The following METTL26 variants were observed in gnomAD, a reference collection of about 807,000 sequenced individuals.
METTL26 encodes methyltransferase-like 26.
METTL26 carries 28 observed loss-of-function variants against 24.7 expected under a neutral mutation model. The observed-to-expected ratio is 1.13, with a 90% CI of 0.84 to 1.55. The LOEUF is 1.55. METTL26 is among the 40% of genes most tolerant of loss of function. The pLI is 0.00. For missense variants in METTL26, 344 were observed against 281.2 expected (o/e 1.22, Z -1.60); for synonymous variants, 165 against 125.2 (o/e 1.32, Z -2.12).
rs1420773875 is a variant in METTL26 at position 635,206 on chromosome 16, G to A, written c.420+75C>T. The stretch of plus-strand genomic sequence containing the variant: ...GGGCGGGGGGCAGGGAGCCCAGGAG[G>A]GAGGACTCTCAGCAGGGCAGGAGAC... On this transcript the variant is annotated intron_variant, in intron 3 of 5. Coordinates refer to ENST00000301686, the MANE Select transcript of METTL26 (RefSeq NM_032366.5). 4.0e-6 allele frequency: 6 copies of A among 1,501,140 alleles called. No homozygotes were observed. In the African/African-American group the frequency reaches 5.5e-5, roughly 14 times the overall value. 93.0% of individuals were successfully genotyped at this position (1,501,140 alleles called of 1,614,324 possible).
rs1260471249 is a variant in METTL26, at chr16:634,549, C to T, written c.*48G>A. The T allele has an allele frequency of 6.2e-7, 1 of 1,613,024 alleles. No homozygotes were observed. The highest frequency in any genetic ancestry group is 2.2e-5 in the East Asian group (1 of 44,884). ...GCCTAGGGAGGCAGGGTTCGTGCCT[C>T]ACAGAGCCTCCGGCAGGGATGCAGG... On this transcript the variant is annotated 3_prime_UTR_variant, in exon 6 of 6. Coordinates refer to ENST00000301686, the MANE Select transcript of METTL26 (RefSeq NM_032366.5).
In METTL26 at chr16:634,576, G is replaced by T. The variant is rs1156896482; in HGVS notation, c.*21C>A. The T allele has an allele frequency of 3.7e-6, 6 of 1,613,116 alleles. No individual in the cohort carries two copies. The African/African-American group carries it at 8.0e-5, about 22-fold the overall frequency. ...CAGAGCCTCCGGCAGGGATGCAGGT[G>T]TGCGGGGGTGAAGGAGGGGCTTAGT... is the stretch of plus-strand genomic sequence containing the variant. On this transcript the variant is annotated 3_prime_UTR_variant, in exon 6 of 6. Transcript: ENST00000301686.
In METTL26 at chr16:635,769, G is replaced by C. The variant is rs753214382; in HGVS notation, c.203C>G (p.Ala68Gly). 3.8e-6 allele frequency: 6 copies of C among 1,565,956 alleles called. No individual in the cohort carries two copies. The highest frequency in any genetic ancestry group is 5.2e-6 in the Non-Finnish European group (6 of 1,152,992). Residue 68 changes from alanine (A) to glycine (G), a missense_variant, in exon 2 of 6, where the codon GCG becomes GGG. Physicochemically the swap from Ala to Gly is moderately conservative, Grantham distance 60. Coordinates refer to ENST00000301686, the MANE Select transcript of METTL26 (RefSeq NM_032366.5). Reference protein sequence around the residue: ...DVDQRCLDSIAATTQAQGLTN... With the variant: ...DVDQRCLDSIGATTQAQGLTN... Reference sequence around the variant, plus strand: ...CAGGCCCTGGGCTTGCGTGGTGGCCGCGATGCTGCAGGAGGCGAACGCTTG... The same window carrying C: ...CAGGCCCTGGGCTTGCGTGGTGGCCCCGATGCTGCAGGAGGCGAACGCTTG...
chr16:636,266 G>A lies in METTL26; in HGVS notation c.25C>T (p.Arg9Trp). Residue 9 changes from arginine to tryptophan, a missense_variant, in exon 1 of 6, where the codon CGG becomes TGG. By Grantham distance (101) the Arg-to-Trp change is moderately radical. Transcript: ENST00000301686. MLVAAAAE[R>W]NKDPILHVLR... is the part of the protein sequence containing the mutation. ...ACGTGCAAGATGGGATCCTTGTTCC[G>A]CTCCGCGGCCGCCGCCACCAGCATC... The A allele has an allele frequency of 6.9e-7, 1 of 1,457,728 alleles. No individual in the cohort carries two copies. 90.3% of individuals were successfully genotyped at this position (1,457,728 alleles called of 1,614,324 possible).
rs148483430 is a variant in METTL26 at position 635,581 on chromosome 16, G to C, written c.360+31C>G. 2.9e-4 allele frequency: 452 copies of C among 1,547,018 alleles called. 2 individuals are homozygous for C. The highest frequency in any genetic ancestry group is 1.7e-3 in the Middle Eastern group (10 of 5,986). On this transcript the variant is annotated intron_variant, in intron 2 of 5. Coordinates refer to ENST00000301686, the MANE Select transcript of METTL26 (RefSeq NM_032366.5). ...CCCCATGCAGGGTGAGTGGTGCCAC[G>C]GCAGACACCCATGCTGGGCTCCCCA...
Position 636,262 on chromosome 16 carries a change from T to A in METTL26, c.29A>T (p.Asn10Ile), listed in dbSNP as rs1290838802. 6.8e-7 allele frequency: 1 copy of A among 1,462,412 alleles called. No homozygotes were observed. The highest frequency in any genetic ancestry group is 9.0e-7 in the Non-Finnish European group (1 of 1,113,204). The allele number at this position is 1,462,412 out of a possible 1,614,324, so 90.6% of individuals were successfully genotyped here. Residue 10 changes from asparagine to isoleucine, a missense_variant, in exon 1 of 6, where the codon AAC becomes ATC. Physicochemically the swap from Asn to Ile is moderately radical, Grantham distance 149 (BLOSUM62 -3). Transcript: ENST00000301686. MLVAAAAER[N>I]KDPILHVLRQ... ...CAGCACGTGCAAGATGGGATCCTTGTTCCGCTCCGCGGCCGCCGCCACCAG... is the reference window on the plus strand; with the variant it reads ...CAGCACGTGCAAGATGGGATCCTTGATCCGCTCCGCGGCCGCCGCCACCAG...
intron 2 of METTL26, 96 bp from the exon 3 acceptor site, chr16:635,436 C>T (rs1039092327): frequency 2.4e-6 from 2 of 829,028 alleles, no homozygotes; most frequent in Non-Finnish European, 3.8e-6. Flanking sequence ...ATGGGGGAGG[C>T]TGGAGACCCT....
At position 634,445 on chromosome 16, in the gene METTL26, G is replaced by A. The variant is rs968307894; in HGVS notation, c.*152C>T. ...CACCAGCAAGCCGGCAGCAGGACATGCTTTATTCTGAGCAGGCTGGGCCCT... is the reference window on the plus strand; with the variant it reads ...CACCAGCAAGCCGGCAGCAGGACATACTTTATTCTGAGCAGGCTGGGCCCT... On this transcript the variant is annotated 3_prime_UTR_variant, in exon 6 of 6. Transcript: ENST00000301686. 6.9e-7 allele frequency: 1 copy of A among 1,452,194 alleles called. No homozygotes were observed. Among genetic ancestry groups the A allele is most frequent in the African/African-American group, 1.4e-5 (1 of 71,770 alleles). 90.0% of individuals were successfully genotyped at this position (1,452,194 alleles called of 1,614,324 possible). A position where few individuals can be genotyped will look rare whatever the true frequency, so the allele number is the denominator to read the frequency against.
chr16:636,183 C>CGAGGCCACCTCGAGGACGCG lies in METTL26; in HGVS notation c.88_107dup (p.Gly37AlafsTer47). 1 of 1,486,182 alleles carries CGAGGCCACCTCGAGGACGCG rather than the reference C, an allele frequency of 6.7e-7. No homozygotes were observed. The allele number at this position is 1,486,182 out of a possible 1,614,324, so 92.1% of individuals were successfully genotyped here. On this transcript the variant is annotated frameshift_variant, in exon 1 of 6. Coordinates refer to ENST00000301686, the MANE Select transcript of METTL26 (RefSeq NM_032366.5). LOFTEE classifies it high-confidence loss of function. ...AGTGCGCTGCGTGCTGGCCGGAGCC[C>CGAGGCCACCTCGAGGACGCG]GAGGCCACCTCGAGGACGCGGACGC...
At position 636,168 on chromosome 16, in the gene METTL26, G is replaced by T; in HGVS notation, c.123C>A (p.His41Gln). 2.0e-6 allele frequency: 3 copies of T among 1,483,576 alleles called. No individual in the cohort carries two copies. Among genetic ancestry groups the T allele is most frequent in the Non-Finnish European group, 2.7e-6 (3 of 1,124,966 alleles). 91.9% of individuals were successfully genotyped at this position (1,483,576 alleles called of 1,614,324 possible). A position where few individuals can be genotyped will look rare whatever the true frequency, so the allele number is the denominator to read the frequency against. Reference sequence around the variant, plus strand: ...GGAAGGCCCGCGCGAAGTGCGCTGCGTGCTGGCCGGAGCCCGAGGCCACCT... The same window carrying T: ...GGAAGGCCCGCGCGAAGTGCGCTGCTTGCTGGCCGGAGCCCGAGGCCACCT... ...VLEVASGSGQ[H>Q]AAHFARAFPL... is the part of the protein sequence containing the mutation. The change falls in exon 1 of 6, where the codon CAC becomes CAA. Residue 41 changes from histidine to glutamine, a missense_variant. Transcript: ENST00000301686.
intron 2 of METTL26, 118 bp downstream of exon 2, chr16:635,494 A>G (rs1427704103): frequency 9.4e-7 from 1 of 1,064,518 alleles, no homozygotes; most frequent in African/African-American, 1.6e-5. Context: ...CCCGACTGTG[A>G]TGGGGGAGGC....
chr16:635,246 G>C (rs960289384), intron 3 of METTL26, 35 bp downstream of exon 3: 3 of 1,545,356 alleles, frequency 1.9e-6, no homozygotes, highest in Non-Finnish European at 2.6e-6. Flanking sequence ...GCTAGGACTG[G>C]GAGCGGGAGG....
Position 636,152 on chromosome 16 carries a change from G to C in METTL26, c.139C>G (p.Arg47Gly). ...TGCCACTCGGCCAGGGGGAAGGCCC[G>C]CGCGAAGTGCGCTGCGTGCTGGCCG... ...GSGQHAAHFA[R>G]AFPLAEWQPS... The change falls in exon 1 of 6, where the codon CGG becomes GGG. Residue 47 changes from arginine (R) to glycine (G), a missense_variant. By Grantham distance (125) the Arg-to-Gly change is moderately radical (BLOSUM62 -2). Transcript: ENST00000301686. 6.8e-7 allele frequency: 1 copy of C among 1,463,838 alleles called. No individual in the cohort carries two copies. 90.7% of individuals were successfully genotyped at this position (1,463,838 alleles called of 1,614,324 possible). A position where few individuals can be genotyped will look rare whatever the true frequency, so the allele number is the denominator to read the frequency against.
Position 635,299 on chromosome 16 carries a change from G to A in METTL26, c.402C>T (p.Ala134=). The change falls in exon 3 of 6, where the codon GCC becomes GCT. Residue 134 remains alanine (A), a synonymous_variant. Transcript: ENST00000301686. ...CACTCACCCCGTAGGTGATGAGCAG[G>A]GCCCTGGGTTTGAGCAGGTGTCCTG... is the stretch of plus-strand genomic sequence containing the variant. ...RAAGHLLKPR[A]LLITYGPYAI... The A allele has an allele frequency of 6.3e-7, 1 of 1,597,052 alleles. No homozygotes were observed. The highest frequency in any genetic ancestry group is 8.5e-7 in the Non-Finnish European group (1 of 1,171,826).
At position 636,136 on chromosome 16, in the gene METTL26, G is replaced by C; in HGVS notation, c.155C>G (p.Ala52Gly). ...AAHFARAFPLAEWQPSDVDQR... is the reference protein window; with the variant it reads ...AAHFARAFPLGEWQPSDVDQR... The stretch of plus-strand genomic sequence containing the variant: ...GTCCACGTCCGACGGCTGCCACTCG[G>C]CCAGGGGGAAGGCCCGCGCGAAGTG... Residue 52 changes from alanine (A) to glycine (G), a missense_variant, in exon 1 of 6, where the codon GCC (alanine) becomes GGC (glycine). Physicochemically the swap from Ala to Gly is moderately conservative, Grantham distance 60. Coordinates refer to ENST00000301686, the MANE Select transcript of METTL26 (RefSeq NM_032366.5). 6.9e-7 allele frequency: 1 copy of C among 1,439,824 alleles called. No homozygotes were observed. Among genetic ancestry groups the C allele is most frequent in the Non-Finnish European group, 9.1e-7 (1 of 1,103,118 alleles). The allele number at this position is 1,439,824 out of a possible 1,614,324, so 89.2% of individuals were successfully genotyped here. A position where few individuals can be genotyped will look rare whatever the true frequency, so the allele number is the denominator to read the frequency against.
chr16:634,535 C>G lies in METTL26; in HGVS notation c.*62G>C, dbSNP rs768556450. 2.5e-6 allele frequency: 4 copies of G among 1,612,702 alleles called. No individual in the cohort carries two copies. Among genetic ancestry groups the G allele is most frequent in the African/African-American group, 1.3e-5 (1 of 74,936 alleles). ...GTCCACAAGGTCCGGCCTAGGGAGG[C>G]AGGGTTCGTGCCTCACAGAGCCTCC... On this transcript the variant is annotated 3_prime_UTR_variant, in exon 6 of 6. Transcript: ENST00000301686.
rs199799134 is a variant in METTL26 at position 634,888 on chromosome 16, C to T, written c.488+1G>A. The T allele has an allele frequency of 1.3e-5, 21 of 1,599,618 alleles. No individual in the cohort carries two copies. The South Asian group carries it at 1.7e-4, about 13-fold the overall frequency. The stretch of plus-strand genomic sequence containing the variant: ...CCAGACCCCCCGCCTCTAGCTCTGA[C>T]CTGCATCTGAGCATCAGGTCAAAGT... On this transcript the variant is annotated splice_donor_variant, in intron 4 of 5. Coordinates refer to ENST00000301686, the MANE Select transcript of METTL26 (RefSeq NM_032366.5). LOFTEE classifies it high-confidence loss of function.
chr16:636,005 C>A (rs1310993296), intron 1 of METTL26, 89 bp downstream of exon 1: 1 of 1,438,298 alleles, frequency 7.0e-7, no homozygotes, highest in Admixed American at 2.7e-5. Context: ...GAGCCCGAGC[C>A]GCATCCTTTT....
chr16:635,222 G>T, intron 3 of METTL26, 59 bp downstream of exon 3: 5 of 1,519,930 alleles, frequency 3.3e-6, no homozygotes, highest in Non-Finnish European at 3.6e-6. Context: ...CTCTCAGCAG[G>T]GCAGGAGACA....
Sources: gnomAD v4.1 joint callset for allele counts on GRCh38, gnomAD v4.1.1 for gene constraint, MANE v1.5 for transcripts, NCBI Gene and HGNC (gene_info 2026-07-23, HGNC 2026-07-21) for gene names.